GALR2: variants seen among roughly 807,000 people sequenced by gnomAD.
GALR2 encodes the protein galanin receptor 2.
A neutral mutation model predicts 7.2 loss-of-function variants in GALR2; 5 were observed. The ratio of observed to expected loss-of-function variants is 0.69; its 90% CI spans 0.36 to 1.45. GALR2 has a LOEUF of 1.45. GALR2 is among the 40% of genes most tolerant of loss of function. The pLI is 0.03. For synonymous variants in GALR2, 300 were observed against 263.9 expected (o/e 1.14, Z -1.32); for missense variants, 561 against 555.7 (o/e 1.01, Z -0.10).
rs2066884198 is a variant in GALR2 at position 76,075,449 on chromosome 17, G to A, written c.368+198G>A. ...GTGTCCCTCGGTTAGATGCGTCCTG[G>A]GGCCTGGAAGCCTGGAGAATGTGGC... On this transcript the variant is annotated intron_variant, in intron 1 of 1. Transcript: ENST00000329003. This position sits in a 1 kb window ranked among gnomAD's most constrained non-coding sequence, Gnocchi z 5.9. Among the ~76,000 whole-genome samples the A allele has an allele frequency of 1.3e-5, 2 of 152,240 alleles. No individual in the cohort carries two copies. The highest frequency in any genetic ancestry group is 4.1e-4 in the South Asian group (2 of 4,834).
rs1436353756 is a variant in GALR2 at position 76,076,002 on chromosome 17, G to C, written c.369-634G>C. On this transcript the variant is annotated intron_variant, in intron 1 of 1. Coordinates refer to ENST00000329003, the MANE Select transcript of GALR2 (RefSeq NM_003857.4). The surrounding 1 kb of genome is among the most constrained non-coding windows in gnomAD (Gnocchi z 6.5). ...TCAGGTGGAGCTTGAAAGGACACTG[G>C]GATGGTTCCTGGGGAGGAAATCCGG... is the stretch of plus-strand genomic sequence containing the variant. Among the ~76,000 whole-genome samples the C allele has an allele frequency of 1.3e-5, 2 of 152,168 alleles. No individual in the cohort carries two copies. Among genetic ancestry groups the C allele is most frequent in the Non-Finnish European group, 2.9e-5 (2 of 68,020 alleles).
At chr17:76,072,388 C>A (rs773145063), upstream of GALR2, 3 of 1,609,796 alleles carry the variant, frequency 1.9e-6, no homozygotes, top group Admixed American at 5.0e-5. The surrounding 1 kb of genome is among the most constrained non-coding windows in gnomAD (Gnocchi z 4.5). Flanking sequence ...ATTTTCTTCC[C>A]CTCCGGCACC....
Position 76,077,189 on chromosome 17 carries a change from G to A in GALR2, c.922G>A (p.Ala308Thr). ...CCGCAAAGGCTTCCGCACGATCTGC[G>A]CGGGCCTGCTGGGCCGTGCCCCAGG... is the stretch of plus-strand genomic sequence containing the variant. ...HFRKGFRTICAGLLGRAPGRA... is the reference protein window; with the variant it reads ...HFRKGFRTICTGLLGRAPGRA... The change falls in exon 2 of 2, where the codon GCG (alanine) becomes ACG (threonine). Residue 308 changes from alanine (A) to threonine (T), a missense_variant. Transcript: ENST00000329003. The A allele has an allele frequency of 6.2e-7, 1 of 1,610,344 alleles. No individual in the cohort carries two copies. The highest frequency in any genetic ancestry group is 8.5e-7 in the Non-Finnish European group (1 of 1,178,912).
Position 76,074,847 on chromosome 17 carries a change from C to T in GALR2, c.-37C>T, listed in dbSNP as rs1043242294. The stretch of plus-strand genomic sequence containing the variant: ...TTCCCGCTCGCGGAGACCCAGACGG[C>T]TGCAGGAGCCCGGGCAGCCTCGGGG... On this transcript the variant is annotated 5_prime_UTR_variant, in exon 1 of 2. Coordinates refer to ENST00000329003, the MANE Select transcript of GALR2 (RefSeq NM_003857.4). The surrounding 1 kb of genome is among the most constrained non-coding windows in gnomAD (Gnocchi z 6.7). 4 of 1,461,992 alleles carry T rather than the reference C, an allele frequency of 2.7e-6. No homozygotes were observed. In the Admixed American group the frequency reaches 9.6e-5, roughly 35 times the overall value. The allele number at this position is 1,461,992 out of a possible 1,614,324, so 90.6% of individuals were successfully genotyped here.
chr17:76,076,819 C>T lies in GALR2; in HGVS notation c.552C>T (p.Arg184=), dbSNP rs113793678. ...ATCCCGCGTGGAGCGCCCCTCGCCGCCGCGCCATGGACATCTGCACCTTCG... is the reference window on the plus strand; with the variant it reads ...ATCCCGCGTGGAGCGCCCCTCGCCGTCGCGCCATGGACATCTGCACCTTCG... ...VCHPAWSAPR[R]RAMDICTFVF... is the part of the protein sequence containing the mutation. Residue 184 remains arginine (R), a synonymous_variant, in exon 2 of 2, where the codon CGC becomes CGT. Coordinates refer to ENST00000329003, the MANE Select transcript of GALR2 (RefSeq NM_003857.4). The surrounding 1 kb of genome is among the most constrained non-coding windows in gnomAD (Gnocchi z 6.5). 3.9e-4 allele frequency: 627 copies of T among 1,605,628 alleles called. 7 individuals are homozygous for T. In the African/African-American group the frequency reaches 7.4e-3, roughly 19 times the overall value.
upstream of GALR2, among the ~76,000 whole-genome samples, chr17:76,073,344 G>T (rs1439873087): frequency 6.9e-6 from 1 of 144,832 alleles, no homozygotes; most frequent in Non-Finnish European, 1.5e-5. Flanking sequence ...TGCCCAGGCT[G>T]GAGTGCAATG....
In GALR2 at chr17:76,075,454, T is replaced by C. The variant is rs576019858; in HGVS notation, c.368+203T>C. On this transcript the variant is annotated intron_variant, in intron 1 of 1. Transcript: ENST00000329003. The surrounding 1 kb of genome is among the most constrained non-coding windows in gnomAD (Gnocchi z 5.9). ...CCTCGGTTAGATGCGTCCTGGGGCC[T>C]GGAAGCCTGGAGAATGTGGCTCTCC... Among the ~76,000 whole-genome samples, 13 of 152,324 alleles carry C rather than the reference T, an allele frequency of 8.5e-5. No individual in the cohort carries two copies. In the South Asian group the frequency reaches 2.3e-3, roughly 27 times the overall value.
rs1383792286 is a variant in GALR2, at chr17:76,076,670, G to A, written c.403G>A (p.Glu135Lys). 2 of 1,596,382 alleles carry A rather than the reference G, an allele frequency of 1.3e-6. No individual in the cohort carries two copies. Among genetic ancestry groups the A allele is most frequent in the South Asian group, 2.2e-5 (2 of 90,756 alleles). ...LAIRYPLHSR[E>K]LRTPRNALAA... ...CATCCGCTACCCGCTGCACTCCCGC[G>A]AGCTGCGCACGCCTCGAAACGCGCT... Residue 135 changes from glutamate to lysine, a missense_variant, in exon 2 of 2, where the codon GAG becomes AAG. By Grantham distance (56) the Glu-to-Lys change is moderately conservative. Transcript: ENST00000329003. This position sits in a 1 kb window ranked among gnomAD's most constrained non-coding sequence, Gnocchi z 6.5.
In GALR2 at chr17:76,077,034, T is replaced by C. The variant is rs1479616239; in HGVS notation, c.767T>C (p.Ile256Thr). Residue 256 changes from isoleucine (I) to threonine (T), a missense_variant, in exon 2 of 2, where the codon ATC becomes ACC. By Grantham distance (89) the Ile-to-Thr change is moderately conservative (BLOSUM62 -1). Coordinates refer to ENST00000329003, the MANE Select transcript of GALR2 (RefSeq NM_003857.4). Reference protein sequence around the residue: ...CLCWMPHHALILCVWFGQFPL... With the variant: ...CLCWMPHHALTLCVWFGQFPL... ...TGCTGGATGCCCCACCACGCGCTCA[T>C]CCTCTGCGTGTGGTTCGGCCAGTTC... 7 of 1,612,800 alleles carry C rather than the reference T, an allele frequency of 4.3e-6. No homozygotes were observed. Among genetic ancestry groups the C allele is most frequent in the Non-Finnish European group, 5.9e-6 (7 of 1,179,878 alleles).
chr17:76,073,214 C>A (rs1184581800), upstream of GALR2, among the ~76,000 whole-genome samples: 6 of 151,994 alleles, frequency 3.9e-5, no homozygotes, highest in African/African-American at 1.4e-4. Flanking sequence ...GGGCACGTAA[C>A]TTAATCTCCC....
chr17:76,072,462 G>A (rs200249656), upstream of GALR2: 28 of 1,577,798 alleles, frequency 1.8e-5, no homozygotes, highest in East Asian at 5.2e-4. This position sits in a 1 kb window ranked among gnomAD's most constrained non-coding sequence, Gnocchi z 4.5. Context: ...CGCCGCCGCC[G>A]CCGCCTGGGA....
upstream of GALR2, chr17:76,072,201 C>G: frequency 6.3e-7 from 1 of 1,575,190 alleles, no homozygotes; most frequent in Non-Finnish European, 8.5e-7. This position sits in a 1 kb window ranked among gnomAD's most constrained non-coding sequence, Gnocchi z 4.5. Context: ...AACTGCAACC[C>G]TCGGCCTCTC....
rs2066888321 is a variant in GALR2 at position 76,076,356 on chromosome 17, G to A, written c.369-280G>A. 6.6e-6 allele frequency among the ~76,000 whole-genome samples: 1 copy of A among 152,196 alleles called. No homozygotes were observed. On this transcript the variant is annotated intron_variant, in intron 1 of 1. Transcript: ENST00000329003. The surrounding 1 kb of genome is among the most constrained non-coding windows in gnomAD (Gnocchi z 6.5). The stretch of plus-strand genomic sequence containing the variant: ...GGGTGCCCTCTCAGTGGAGACTGTG[G>A]TTGCAGTCCCCGGGGGCAGCGGGAG...
At chr17:76,074,461 C>T (rs961175257), upstream of GALR2, among the ~76,000 whole-genome samples, 4 of 152,264 alleles carry the variant, frequency 2.6e-5, no homozygotes, top group Admixed American at 2.6e-4. This position sits in a 1 kb window ranked among gnomAD's most constrained non-coding sequence, Gnocchi z 6.7. Flanking sequence ...AGTGCGAGGT[C>T]CGTGCTCCCT....
chr17:76,072,124 G>A (rs1211339096), upstream of GALR2: 7 of 1,185,288 alleles, frequency 5.9e-6, no homozygotes, highest in African/African-American at 1.6e-5. The surrounding 1 kb of genome is among the most constrained non-coding windows in gnomAD (Gnocchi z 4.5). Flanking sequence ...AGGGGGACAC[G>A]AGGAAAGACT....
upstream of GALR2, among the ~76,000 whole-genome samples, chr17:76,073,163 G>T (rs2066869346): frequency 6.6e-6 from 1 of 152,148 alleles, no homozygotes; most frequent in African/African-American, 2.4e-5. Flanking sequence ...TGAGACCTGG[G>T]ATTCCAATCC....
chr17:76,072,057 G>A, upstream of GALR2: 1 of 656,500 alleles, frequency 1.5e-6, no homozygotes, highest in Non-Finnish European at 2.5e-6. The surrounding 1 kb of genome is among the most constrained non-coding windows in gnomAD (Gnocchi z 4.5). Flanking sequence ...GGGCACCAGG[G>A]GAAACCTGCC....
chr17:76,072,308 T>G (rs1248724090), upstream of GALR2: 1 of 1,611,882 alleles, frequency 6.2e-7, no homozygotes, highest in Non-Finnish European at 8.5e-7. This position sits in a 1 kb window ranked among gnomAD's most constrained non-coding sequence, Gnocchi z 4.5. Context: ...TCTAGGATAC[T>G]CTCCAAACTC....
upstream of GALR2, among the ~76,000 whole-genome samples, chr17:76,073,546 G>A (rs2066872114): frequency 1.7e-5 from 2 of 118,790 alleles, no homozygotes; most frequent in Non-Finnish European, 3.5e-5. Flanking sequence ...CGCCCGCCTC[G>A]GCCTCCCAAA....
Sources: allele counts gnomAD v4.1 joint callset (sites outside exome capture counted in the v4.1 genomes callset), GRCh38; gene constraint gnomAD v4.1.1; non-coding constraint Gnocchi (gnomAD v3.1); transcripts MANE v1.5; gene names NCBI Gene and HGNC (gene_info 2026-07-23, HGNC 2026-07-21).